SLC6A16: variants seen among roughly 807,000 people sequenced by gnomAD.
The protein encoded by SLC6A16 is orphan sodium- and chloride-dependent neurotransmitter transporter NTT5.
In SLC6A16, 54 loss-of-function variants were observed where a neutral mutation model predicts 65.4. The ratio of observed to expected loss-of-function variants is 0.83; its 90% CI spans 0.66 to 1.04. SLC6A16 has a LOEUF of 1.04. Among genes scored for constraint, SLC6A16 ranks in the 50% least tolerant of loss-of-function variants. The probability of loss-of-function intolerance (pLI) is 0.00; values close to 1 mark genes in which losing one functional copy is unlikely to be tolerated. For missense variants in SLC6A16, 816 were observed against 914.0 expected (o/e 0.89, Z 1.38); for synonymous variants, 330 against 346.5 (o/e 0.95, Z 0.53).
At chr19:49,312,860 T>C (rs79884979) in intron 1 of SLC6A16, among the ~76,000 whole-genome samples, 2,695 of 152,208 alleles carry the variant, frequency 0.018, 77 homozygotes, top group African/African-American at 0.055. Context: ...ATTTCTATCT[T>C]TAGTTCTATC....
intron 7 of SLC6A16, among the ~76,000 whole-genome samples, chr19:49,301,589 T>C (rs879912636): frequency 6.6e-6 from 1 of 152,140 alleles, no homozygotes. Context: ...CCAGCACCAT[T>C]TTCTGCAGAG....
intron 7 of SLC6A16, chr19:49,305,822 A>G (rs971435608): frequency 2.0e-5 from 3 of 152,138 alleles, no homozygotes; most frequent in African/African-American, 7.2e-5. Flanking sequence ...TGCCCCAACA[A>G]TCTAACTCAT....
rs1197711801 is a variant in SLC6A16 at position 49,307,051 on chromosome 19, C to CTTTTTTTTTTTTTTTTT, written c.1229+1824_1229+1825insAAAAAAAAAAAAAAAAA. On this transcript the variant is annotated intron_variant, in intron 7 of 11. Transcript: ENST00000335875. ...GTTACACAGTGCATTGTTTTATACA[C>CTTTTTTTTTTTTTTTTT]TTTTTTTTTTTTTTTGTTAGAGGAA... Among the ~76,000 whole-genome samples, 65 of 60,972 alleles carry CTTTTTTTTTTTTTTTTT rather than the reference C, an allele frequency of 1.1e-3. 6 individuals are homozygous for CTTTTTTTTTTTTTTTTT. Among genetic ancestry groups the CTTTTTTTTTTTTTTTTT allele is most frequent in the Middle Eastern group, 0.01 (1 of 98 alleles). The allele number at this position is 60,972 out of a possible 152,430, so 40.0% of individuals were successfully genotyped here. A position where few individuals can be genotyped will look rare whatever the true frequency, so the allele number is the denominator to read the frequency against.
At chr19:49,325,231 C>G (rs377381256), upstream of SLC6A16, 1 of 984,982 alleles carries the variant, frequency 1.0e-6, no homozygotes, top group African/African-American at 1.8e-5. Context: ...TCTGCGCATG[C>G]GCCGCCGCGC....
At chr19:49,307,292 C>T (rs1204216294) in intron 7 of SLC6A16, among the ~76,000 whole-genome samples, 2 of 151,438 alleles carry the variant, frequency 1.3e-5, no homozygotes, top group Admixed American at 1.3e-4. Context: ...TTTAAAAGTC[C>T]AACCAAGTTT....
upstream of SLC6A16, among the ~76,000 whole-genome samples, chr19:49,329,815 G>A (rs1402949597): frequency 6.6e-6 from 1 of 151,746 alleles, no homozygotes; most frequent in Non-Finnish European, 1.5e-5. Flanking sequence ...TGTATTTTTA[G>A]TAGAGACGGG....
intron 1 of SLC6A16, among the ~76,000 whole-genome samples, chr19:49,319,789 T>C (rs1169518713): frequency 2.0e-5 from 3 of 152,114 alleles, no homozygotes; most frequent in African/African-American, 7.2e-5. Context: ...TGGGACATTT[T>C]CCAGGAGAGA....
Position 49,292,734 on chromosome 19 carries a change from G to A in SLC6A16, c.1778+489C>T, listed in dbSNP as rs1391954659. Among the ~76,000 whole-genome samples the A allele has an allele frequency of 6.6e-6, 1 of 152,080 alleles. No individual in the cohort carries two copies. Among genetic ancestry groups the A allele is most frequent in the Non-Finnish European group, 1.5e-5 (1 of 68,016 alleles). ...GGTAATTTCTGTTTCCCTGCAGGGA[G>A]CACTTTACTCAAAATCTTGTCATGA... On this transcript the variant is annotated intron_variant, in intron 10 of 11. Coordinates refer to ENST00000335875, the MANE Select transcript of SLC6A16 (RefSeq NM_014037.3). This position sits in a 1 kb window ranked among gnomAD's most constrained non-coding sequence, Gnocchi z 4.3.
At chr19:49,338,941 G>A in the SLC6A16 span, 1 of 1,608,978 alleles carries the variant, frequency 6.2e-7, no homozygotes, top group South Asian at 1.1e-5. The surrounding 1 kb of genome is among the most constrained non-coding windows in gnomAD (Gnocchi z 5.0). Context: ...CGCGAGGTGG[G>A]CAGGGGTTCG....
intron 7 of SLC6A16, among the ~76,000 whole-genome samples, chr19:49,304,905 T>A (rs753401882): frequency 6.6e-6 from 1 of 152,218 alleles, no homozygotes; most frequent in Non-Finnish European, 1.5e-5. Context: ...AGAACTTCCA[T>A]ACACACATTT....
chr19:49,321,704 C>G (rs901250534), intron 1 of SLC6A16, among the ~76,000 whole-genome samples: 2 of 150,600 alleles, frequency 1.3e-5, no homozygotes, highest in Admixed American at 1.3e-4. Context: ...CCACTGCACT[C>G]CAGCCTGGGT....
chr19:49,318,339 G>A (rs550147004), intron 1 of SLC6A16, among the ~76,000 whole-genome samples: 1 of 152,080 alleles, frequency 6.6e-6, no homozygotes, highest in African/African-American at 2.4e-5. Context: ...AGTTCTAGTA[G>A]TAGGACTACT....
Position 49,293,895 on chromosome 19 carries a change from A to G in SLC6A16, c.1550T>C (p.Met517Thr). 2 of 1,614,142 alleles carry G rather than the reference A, an allele frequency of 1.2e-6. No homozygotes were observed. Among genetic ancestry groups the G allele is most frequent in the Non-Finnish European group, 1.7e-6 (2 of 1,180,036 alleles). Residue 517 changes from methionine to threonine, a missense_variant, in exon 9 of 12, where the codon ATG becomes ACG. Transcript: ENST00000335875. ...CTGGAGTGGAGTAATGATGCCCTGC[A>G]TAATCCCTATTGCGCTGCTCAGCCC... ...AMGLSSAIGI[M>T]QGIITPLQDT...
chr19:49,310,059 C>G lies in SLC6A16; in HGVS notation c.681G>C (p.Thr227=), dbSNP rs17853339. 6.2e-7 allele frequency: 1 copy of G among 1,613,988 alleles called. No homozygotes were observed. The highest frequency in any genetic ancestry group is 1.7e-5 in the Admixed American group (1 of 59,988). The change falls in exon 4 of 12, where the codon ACG becomes ACC. Residue 227 remains threonine, a synonymous_variant. Transcript: ENST00000335875. ...CCTCACCAAAGCCACTAGAGTTCAT[C>G]GTTAAGGGACATTTCTCCCATGGAA... The part of the protein sequence containing the change: ...FPVPWEKCPL[T]MNSSGFDPEC...
the SLC6A16 span, chr19:49,335,706 CT>C: frequency 6.2e-7 from 1 of 1,613,986 alleles, no homozygotes; most frequent in Non-Finnish European, 8.5e-7. The surrounding 1 kb of genome is among the most constrained non-coding windows in gnomAD (Gnocchi z 4.6). Context: ...CGCATCTCCT[CT>C]CCCCAGGTCC....
upstream of SLC6A16, among the ~76,000 whole-genome samples, chr19:49,325,999 T>C (rs572120348): frequency 6.8e-6 from 1 of 147,628 alleles, no homozygotes; most frequent in East Asian, 2.0e-4. Context: ...CCGTCTCTAC[T>C]AAAAGTCAAA....
In SLC6A16 at chr19:49,309,808, G is replaced by T; in HGVS notation, c.719C>A (p.Thr240Lys). Residue 240 changes from threonine (T) to lysine (K), a missense_variant, in exon 5 of 12, where the codon ACA becomes AAA. By Grantham distance (78) the Thr-to-Lys change is moderately conservative (BLOSUM62 -1). Coordinates refer to ENST00000335875, the MANE Select transcript of SLC6A16 (RefSeq NM_014037.3). ...SSGFDPECER[T>K]TPSIYFWYQQ... ...GTACCAGAAGTATATGGAGGGTGTT[G>T]TCCGTTCACATTCAGGATCTGGGGG... The T allele has an allele frequency of 6.2e-7, 1 of 1,612,252 alleles. No individual in the cohort carries two copies. The highest frequency in any genetic ancestry group is 8.5e-7 in the Non-Finnish European group (1 of 1,178,526).
the SLC6A16 span, chr19:49,336,056 T>G: frequency 3.9e-6 from 2 of 511,256 alleles, no homozygotes; most frequent in Non-Finnish European, 7.0e-6. Flanking sequence ...AACCTTCCCC[T>G]CGCTTGAGGT....
At chr19:49,338,492 AC>A in the SLC6A16 span, among the ~76,000 whole-genome samples, 1 of 151,436 alleles carries the variant, frequency 6.6e-6, no homozygotes. The surrounding 1 kb of genome is among the most constrained non-coding windows in gnomAD (Gnocchi z 5.0). Flanking sequence ...GCCCCAGGTC[AC>A]CCCGTGACTC....
Sources: gnomAD v4.1 joint callset for allele counts (sites outside exome capture counted in the v4.1 genomes callset) on GRCh38, gnomAD v4.1.1 for gene constraint, Gnocchi (gnomAD v3.1) non-coding constraint, MANE v1.5 for transcripts, NCBI Gene and HGNC (gene_info 2026-07-23, HGNC 2026-07-21) for gene names.